The following EPB41L2 variants were observed in gnomAD, a reference collection of about 807,000 sequenced individuals.
The protein encoded by EPB41L2 is erythrocyte membrane protein band 4.1 like 2.
A neutral mutation model predicts 113.0 loss-of-function variants in EPB41L2; 43 were observed. That is an observed-to-expected ratio of 0.38 (90% CI 0.30 to 0.49). The LOEUF (loss-of-function observed/expected upper bound fraction) is 0.49. Among genes scored for constraint, EPB41L2 ranks in the 20% least tolerant of loss-of-function variants. The probability of loss-of-function intolerance (pLI) is 0.95; values close to 1 mark genes in which losing one functional copy is unlikely to be tolerated. For missense variants in EPB41L2, 1,147 were observed against 1,223.4 expected, an observed-to-expected ratio of 0.94 and a Z score of 0.93; for synonymous variants, 442 against 436.7, an observed-to-expected ratio of 1.01 and a Z score of -0.15.
At chr6:130,898,817 TA>T (rs1229465506) in intron 8 of EPB41L2, among the ~76,000 whole-genome samples, 2 of 152,220 alleles carry the variant, frequency 1.3e-5, no homozygotes, top group Non-Finnish European at 2.9e-5. Flanking sequence ...AAATGTCTTT[TA>T]AATAACTTTT....
chr6:130,969,649 G>GATT (rs1776269877), intron 1 of EPB41L2, among the ~76,000 whole-genome samples: 2 of 152,096 alleles, frequency 1.3e-5, no homozygotes, highest in South Asian at 2.1e-4. Context: ...ATAATCTACA[G>GATT]ATTATTAGCT....
chr6:131,047,086 G>T (rs1354612433), intron 1 of EPB41L2, among the ~76,000 whole-genome samples: 1 of 152,142 alleles, frequency 6.6e-6, no homozygotes, highest in African/African-American at 2.4e-5. Context: ...ACTTCAAACT[G>T]CAGTGCCTCA....
At chr6:130,938,253 T>C (rs1809564030) in intron 3 of EPB41L2, among the ~76,000 whole-genome samples, 1 of 152,216 alleles carries the variant, frequency 6.6e-6, no homozygotes. Flanking sequence ...ATCCACTTCA[T>C]TTTGAGATAT....
intron 14 of EPB41L2, 146 bp from the exon 15 acceptor site, chr6:130,870,272 C>G: frequency 6.5e-7 from 1 of 1,544,826 alleles, no homozygotes. Flanking sequence ...GCGGGGCAAA[C>G]GTGAGGGCAA....
rs139111052 is a variant in EPB41L2 at position 131,049,460 on chromosome 6, G to T, written c.-15+13695C>A. 6.5e-3 allele frequency among the ~76,000 whole-genome samples: 992 copies of T among 152,278 alleles called. 19 individuals are homozygous for T. Among genetic ancestry groups the T allele is most frequent in the African/African-American group, 0.023 (957 of 41,542 alleles). ...TTCCTTTTTCTCTTTAAGAGAAGTGGATTAAAGAAAATTTTCCAAAGAAGA... is the reference window on the plus strand; with the variant it reads ...TTCCTTTTTCTCTTTAAGAGAAGTGTATTAAAGAAAATTTTCCAAAGAAGA... On this transcript the variant is annotated intron_variant, in intron 1 of 19. Coordinates refer to ENST00000337057, the MANE Select transcript of EPB41L2 (RefSeq NM_001431.4).
At chr6:131,014,080 A>AC (rs1196461047) in intron 1 of EPB41L2, 4 of 148,292 alleles carry the variant, frequency 2.7e-5, no homozygotes, top group African/African-American at 1.0e-4. Flanking sequence ...AAAAAAAAAA[A>AC]CTCAGGCAGC....
Position 130,865,551 on chromosome 6 carries a change from G to A in EPB41L2, c.2814C>T (p.Thr938=), listed in dbSNP as rs1783470851. The A allele has an allele frequency of 6.2e-7, 1 of 1,614,106 alleles. No homozygotes were observed. The highest frequency in any genetic ancestry group is 1.1e-5 in the South Asian group (1 of 91,082). ...ATTGCTTTACCTTGGTGATGTGTGT[G>A]GTTGTCGTTGTTGACACGGACTCAG... ...ITSESVSTTT[T]THITKTVKGG... is the part of the protein sequence containing the mutation. Residue 938 remains threonine (T), a synonymous_variant, in exon 17 of 20, where the codon ACC becomes ACT. Coordinates refer to ENST00000337057, the MANE Select transcript of EPB41L2 (RefSeq NM_001431.4).
In EPB41L2 at chr6:131,049,478, A is replaced by G. The variant is rs1055284584; in HGVS notation, c.-15+13677T>C. On this transcript the variant is annotated intron_variant, in intron 1 of 19. Coordinates refer to ENST00000337057, the MANE Select transcript of EPB41L2 (RefSeq NM_001431.4). ...AGAAGTGGATTAAAGAAAATTTTCC[A>G]AAGAAGATGTTCATTTAGTAGCTTT... Among the ~76,000 whole-genome samples the G allele has an allele frequency of 3.9e-5, 6 of 152,362 alleles. No individual in the cohort carries two copies. In the South Asian group the frequency reaches 6.2e-4, roughly 16 times the overall value.
intron 1 of EPB41L2, among the ~76,000 whole-genome samples, chr6:130,989,983 T>C (rs1350579289): frequency 2.6e-5 from 4 of 152,166 alleles, no homozygotes; most frequent in African/African-American, 9.6e-5. Context: ...GAGTTCAATT[T>C]AGACTGGGTA....
At chr6:130,949,647 TGG>T (rs1310300341) in intron 3 of EPB41L2, among the ~76,000 whole-genome samples, 2 of 151,598 alleles carry the variant, frequency 1.3e-5, no homozygotes, top group Non-Finnish European at 2.9e-5. Context: ...GAGACCCAAA[TGG>T]GATAGGACGA....
At chr6:130,843,203 G>C (rs1776038108) in intron 19 of EPB41L2, among the ~76,000 whole-genome samples, 1 of 152,142 alleles carries the variant, frequency 6.6e-6, no homozygotes, top group African/African-American at 2.4e-5. Flanking sequence ...AGCTAGAAAA[G>C]AGAAAAGATA....
At chr6:130,992,626 A>G (rs1035484363) in intron 1 of EPB41L2, among the ~76,000 whole-genome samples, 1 of 148,786 alleles carries the variant, frequency 6.7e-6, no homozygotes, top group East Asian at 2.0e-4. Context: ...TGAAATTACC[A>G]ATTCAAATTC....
intron 12 of EPB41L2, 147 bp downstream of exon 12, chr6:130,884,949 C>A: frequency 1.2e-6 from 1 of 850,772 alleles, no homozygotes; most frequent in Non-Finnish European, 1.8e-6. Flanking sequence ...GGTTAGAGAC[C>A]ACTATGCATA....
chr6:130,896,228 T>C (rs1305443661), intron 8 of EPB41L2, among the ~76,000 whole-genome samples: 1 of 152,240 alleles, frequency 6.6e-6, no homozygotes. Flanking sequence ...TTCTCTGCTG[T>C]GACACTTGAG....
intron 1 of EPB41L2, among the ~76,000 whole-genome samples, chr6:131,040,393 TG>T (rs1794221476): frequency 6.6e-6 from 1 of 152,154 alleles, no homozygotes; most frequent in Admixed American, 6.5e-5. Flanking sequence ...GAGCCGGGAT[TG>T]CGCCACTGCA....
chr6:130,903,276 G>A (rs1348457428), intron 6 of EPB41L2, among the ~76,000 whole-genome samples: 1 of 152,022 alleles, frequency 6.6e-6, no homozygotes, highest in Non-Finnish European at 1.5e-5. Flanking sequence ...ATGCCATTCG[G>A]TCAGGTTTTA....
At chr6:130,908,768 C>G in intron 5 of EPB41L2, 53 bp downstream of exon 5, 2 of 1,386,750 alleles carry the variant, frequency 1.4e-6, no homozygotes, top group South Asian at 1.3e-5. Flanking sequence ...ATTTATATCA[C>G]AAATAGATAT....
chr6:131,051,773 T>A (rs773548412), intron 1 of EPB41L2, among the ~76,000 whole-genome samples: 1 of 152,100 alleles, frequency 6.6e-6, no homozygotes, highest in African/African-American at 2.4e-5. Context: ...ACTAACAGAA[T>A]TCTATATACA....
At chr6:130,935,095 A>G (rs1414088642) in intron 3 of EPB41L2, among the ~76,000 whole-genome samples, 1 of 152,184 alleles carries the variant, frequency 6.6e-6, no homozygotes, top group Admixed American at 6.5e-5. Flanking sequence ...AGTGTTGTTG[A>G]CAGGAATGAC....
Sources: allele counts gnomAD v4.1 joint callset (sites outside exome capture counted in the v4.1 genomes callset), GRCh38; gene constraint gnomAD v4.1.1; transcripts MANE v1.5; gene names NCBI Gene and HGNC (gene_info 2026-07-23, HGNC 2026-07-21).